The following CEP350 variants were observed in gnomAD, a reference collection of about 807,000 sequenced individuals.
The protein encoded by CEP350 is centrosomal protein 350, also known as centrosome-associated protein 350.
Under a neutral mutation model 331.8 loss-of-function variants are expected in CEP350, and 126 were observed. That is an observed-to-expected ratio of 0.38 (90% CI 0.33 to 0.44). CEP350 has a LOEUF of 0.44. Ranked by LOEUF, CEP350 falls within the 20% of genes least tolerant of loss-of-function variation. CEP350 has a pLI of 1.00. For synonymous variants in CEP350, 1,200 were observed against 1,259.5 expected (o/e 0.95, Z 1.00); for missense variants, 3,406 against 3,634.6 (o/e 0.94, Z 1.62).
At chr1:180,099,893 C>T (rs1252017617) in intron 37 of CEP350, among the ~76,000 whole-genome samples, 1 of 149,954 alleles carries the variant, frequency 6.7e-6, no homozygotes, top group African/African-American at 2.5e-5. Flanking sequence ...TCAAGTGATT[C>T]TCATGCCTCA....
At chr1:180,084,615 C>G (rs1344964962) in intron 31 of CEP350, among the ~76,000 whole-genome samples, 1 of 152,180 alleles carries the variant, frequency 6.6e-6, no homozygotes, top group East Asian at 1.9e-4. Context: ...CCCCCTGCCT[C>G]GGCCTCCCAA....
chr1:180,082,232 T>C (rs561088693), intron 30 of CEP350, among the ~76,000 whole-genome samples: 2 of 152,316 alleles, frequency 1.3e-5, no homozygotes, highest in East Asian at 3.9e-4. Flanking sequence ...TAAGAATAAA[T>C]GGTTTTAGAA....
chr1:179,982,914 G>A (rs965104095), intron 1 of CEP350, among the ~76,000 whole-genome samples: 4 of 151,210 alleles, frequency 2.6e-5, no homozygotes, highest in South Asian at 2.1e-4. Context: ...CCTCAGCCTC[G>A]TGAGTAGCTG....
rs1339814851 is a variant in CEP350 at position 180,048,414 on chromosome 1, C to T, written c.4623-122C>T. Reference sequence around the variant, plus strand: ...ACTTAGCTTTTTCTGTTTTATATTACATCTTTCTTCATTTTTATCTTGACT... The same window carrying T: ...ACTTAGCTTTTTCTGTTTTATATTATATCTTTCTTCATTTTTATCTTGACT... On this transcript the variant is annotated intron_variant, in intron 21 of 37. Transcript: ENST00000367607. 7.9e-6 allele frequency: 5 copies of T among 636,430 alleles called. No homozygotes were observed. The African/African-American group carries it at 9.3e-5, about 12-fold the overall frequency. The allele number at this position is 636,430 out of a possible 1,614,324, so 39.4% of individuals were successfully genotyped here.
Position 180,001,488 on chromosome 1 carries a change from GC to G in CEP350, c.1019-1684del, listed in dbSNP as rs574925767. Among the ~76,000 whole-genome samples, 25 of 152,184 alleles carry G rather than the reference GC, an allele frequency of 1.6e-4. 1 individual carries two copies. The East Asian group carries it at 4.6e-3, about 28-fold the overall frequency. On this transcript the variant is annotated intron_variant, in intron 6 of 37. Coordinates refer to ENST00000367607, the MANE Select transcript of CEP350 (RefSeq NM_014810.5). ...TGGCCAGGCTGGTCTCAAACTCTTGGCCTCAAGTGATCCACTCGCCTCAGCC... is the reference window on the plus strand; with the variant it reads ...TGGCCAGGCTGGTCTCAAACTCTTGGCTCAAGTGATCCACTCGCCTCAGCC...
At chr1:180,047,833 T>C (rs1026220717) in intron 21 of CEP350, among the ~76,000 whole-genome samples, 1 of 150,376 alleles carries the variant, frequency 6.6e-6, no homozygotes, top group African/African-American at 2.4e-5. Flanking sequence ...CAGAAAAATT[T>C]AAAGCAAATG....
At chr1:180,024,630 T>C (rs1655548139) in intron 14 of CEP350, 48 bp downstream of exon 14, 1 of 1,547,432 alleles carries the variant, frequency 6.5e-7, no homozygotes, top group Non-Finnish European at 8.7e-7. Context: ...AATGATTTTG[T>C]TGTAGTAATC....
At chr1:180,082,618 A>G (rs574729684) in intron 30 of CEP350, among the ~76,000 whole-genome samples, 1 of 152,212 alleles carries the variant, frequency 6.6e-6, no homozygotes, top group East Asian at 1.9e-4. Context: ...CCCGGACTGC[A>G]TTTGGTTTCT....
chr1:180,103,028 G>A (rs377571993), intron 37 of CEP350, among the ~76,000 whole-genome samples: 22 of 152,312 alleles, frequency 1.4e-4, no homozygotes, highest in African/African-American at 4.1e-4. Context: ...GAGGTGTTCC[G>A]AAAAAGGAAA....
chr1:179,954,923 G>T lies in CEP350; in HGVS notation c.-233G>T. ...TGCAGGGAGCCGCAGCTCGGGGGGT[G>T]GCTTGCCCTGAGGGAGGGGAGGCAG... is the stretch of plus-strand genomic sequence containing the variant. On this transcript the variant is annotated 5_prime_UTR_variant, in exon 1 of 38. Transcript: ENST00000367607. 1.3e-6 allele frequency: 1 copy of T among 749,860 alleles called. No homozygotes were observed. The highest frequency in any genetic ancestry group is 1.9e-6 in the Non-Finnish European group (1 of 521,416). 46.5% of individuals were successfully genotyped at this position (749,860 alleles called of 1,614,324 possible). A position where few individuals can be genotyped will look rare whatever the true frequency, so the allele number is the denominator to read the frequency against.
rs10660202 is a variant in CEP350 at position 180,016,660 on chromosome 1, GTTTTTTT to G, written c.2174+702_2174+708del. ...AAATCACTATCCAATTTTGGGTTAT[GTTTTTTT>G]TTTTTTTTTTTGGAGACAGGGTTTC... On this transcript the variant is annotated intron_variant, in intron 11 of 37. Coordinates refer to ENST00000367607, the MANE Select transcript of CEP350 (RefSeq NM_014810.5). 5.5e-5 allele frequency among the ~76,000 whole-genome samples: 7 copies of G among 128,288 alleles called. No individual in the cohort carries two copies. The Admixed American group carries it at 5.9e-4, about 11-fold the overall frequency. 84.2% of individuals were successfully genotyped at this position (128,288 alleles called of 152,430 possible).
intron 33 of CEP350, among the ~76,000 whole-genome samples, chr1:180,091,082 A>G (rs2149124567): frequency 6.6e-6 from 1 of 151,124 alleles, no homozygotes; most frequent in African/African-American, 2.4e-5. Context: ...ATAGCTTACT[A>G]CTGCAGCCTT....
At chr1:179,987,365 T>G in intron 3 of CEP350, 79 bp downstream of exon 3, 1 of 685,702 alleles carries the variant, frequency 1.5e-6, no homozygotes, top group Non-Finnish European at 2.4e-6. Context: ...TTAAAATGTT[T>G]TCCATACTGT....
Position 180,080,662 on chromosome 1 carries a change from G to A in CEP350, c.6124+1G>A. ...GAGTCATTATCTATGACACAGTCAGGTAAGACTAATCATGAGGAGTTTTTA... is the reference window on the plus strand; with the variant it reads ...GAGTCATTATCTATGACACAGTCAGATAAGACTAATCATGAGGAGTTTTTA... On this transcript the variant is annotated splice_donor_variant, in intron 30 of 37. Transcript: ENST00000367607. LOFTEE classifies it high-confidence loss of function. 1 of 1,612,888 alleles carries A rather than the reference G, an allele frequency of 6.2e-7. No individual in the cohort carries two copies. Among genetic ancestry groups the A allele is most frequent in the Non-Finnish European group, 8.5e-7 (1 of 1,179,088 alleles).
At position 180,095,794 on chromosome 1, in the gene CEP350, A is replaced by G. The variant is rs753289565; in HGVS notation, c.8783A>G (p.His2928Arg). 6.2e-7 allele frequency: 1 copy of G among 1,614,010 alleles called. No individual in the cohort carries two copies. The highest frequency in any genetic ancestry group is 8.5e-7 in the Non-Finnish European group (1 of 1,179,878). ...HTAEEVEILVHNAAEELWKWK... is the reference protein window; with the variant it reads ...HTAEEVEILVRNAAEELWKWK... ...GCAGAAGAAGTAGAGATTCTTGTAC[A>G]TAATGCAGCAGAAGAACTTTGGAAA... The change falls in exon 35 of 38, where the codon CAT (histidine) becomes CGT (arginine). Residue 2928 changes from histidine to arginine, a missense_variant. Physicochemically the swap from His to Arg is conservative, Grantham distance 29. Transcript: ENST00000367607.
intron 14 of CEP350, among the ~76,000 whole-genome samples, chr1:180,027,754 T>G (rs1655775558): frequency 1.3e-5 from 2 of 152,238 alleles, no homozygotes; most frequent in African/African-American, 4.8e-5. Context: ...ATTTTCTTTT[T>G]TCTTTATTCC....
chr1:180,052,580 G>T (rs1484158982), intron 22 of CEP350, among the ~76,000 whole-genome samples: 1 of 151,050 alleles, frequency 6.6e-6, no homozygotes, highest in Non-Finnish European at 1.5e-5. Flanking sequence ...TTTTTAAAAA[G>T]ATATTTTTAC....
At chr1:180,103,422 A>G (rs1660942274) in intron 37 of CEP350, among the ~76,000 whole-genome samples, 1 of 152,110 alleles carries the variant, frequency 6.6e-6, no homozygotes, top group Non-Finnish European at 1.5e-5. Context: ...GCTTTTCATT[A>G]AAAGGAAAAC....
chr1:180,015,992 A>T, intron 11 of CEP350, 22 bp downstream of exon 11: 1 of 1,611,172 alleles, frequency 6.2e-7, no homozygotes, highest in Non-Finnish European at 8.5e-7. Context: ...AGAATGAAAG[A>T]TGATTAAGAT....
Sources: gnomAD v4.1 joint callset for allele counts (sites outside exome capture counted in the v4.1 genomes callset) on GRCh38, gnomAD v4.1.1 for gene constraint, MANE v1.5 for transcripts, NCBI Gene and HGNC (gene_info 2026-07-23, HGNC 2026-07-21) for gene names.